Variants in JAG2 observed in about 807,000 individuals in gnomAD.
The protein encoded by JAG2 is jagged canonical Notch ligand 2, also known as protein jagged-2.
Under a neutral mutation model 141.7 loss-of-function variants are expected in JAG2, and 46 were observed. The observed-to-expected ratio is 0.32, with a 90% CI of 0.26 to 0.42. The LOEUF (loss-of-function observed/expected upper bound fraction) is 0.42, where lower values mean the gene tolerates loss of function less well. Ranked by LOEUF, JAG2 falls within the 10% of genes least tolerant of loss-of-function variation. The pLI is 1.00. For synonymous variants in JAG2, 862 were observed against 763.5 expected (o/e 1.13, Z -2.13); for missense variants, 1,500 against 1,817.5 (o/e 0.83, Z 3.18).
rs1030452029 is a variant in JAG2 at position 105,147,086 on chromosome 14, C to G, written c.2479+240G>C. The stretch of plus-strand genomic sequence containing the variant: ...GTCAGGCTGCACGCTCCAACCCCCA[C>G]AGCTCCCTGGGCCCCGGACTGGTCC... On this transcript the variant is annotated intron_variant, in intron 20 of 25. Transcript: ENST00000331782. 3 of 612,064 alleles carry G rather than the reference C, an allele frequency of 4.9e-6. No individual in the cohort carries two copies. In the South Asian group the frequency reaches 5.8e-5, roughly 12 times the overall value. The allele number at this position is 612,064 out of a possible 1,614,324, so 37.9% of individuals were successfully genotyped here. A position where few individuals can be genotyped will look rare whatever the true frequency, so the allele number is the denominator to read the frequency against.
Position 105,151,757 on chromosome 14 carries a change from G to A in JAG2, c.1040-18C>T, listed in dbSNP as rs925250304. 3.1e-6 allele frequency: 5 copies of A among 1,604,788 alleles called. No homozygotes were observed. Among genetic ancestry groups the A allele is most frequent in the Admixed American group, 1.7e-5 (1 of 58,990 alleles). On this transcript the variant is annotated intron_variant, in intron 7 of 25. Transcript: ENST00000331782. Reference sequence around the variant, plus strand: ...GTGCTCAGCTGTAGAACCGCGGGGAGGGGGCAGAGCTGGCAGCCAGGCCCC... The same window carrying A: ...GTGCTCAGCTGTAGAACCGCGGGGAAGGGGCAGAGCTGGCAGCCAGGCCCC...
In JAG2 at chr14:105,154,703, C is replaced by A. The variant is rs993706041; in HGVS notation, c.788+859G>T. On this transcript the variant is annotated intron_variant, in intron 5 of 25. Coordinates refer to ENST00000331782, the MANE Select transcript of JAG2 (RefSeq NM_002226.5). The surrounding 1 kb of genome is among the most constrained non-coding windows in gnomAD (Gnocchi z 4.4). Reference sequence around the variant, plus strand: ...CCCGTCACCGCCTGAATGCCACCCCCCACAGGCCCCGCGTGGCGCAGGCCA... The same window carrying A: ...CCCGTCACCGCCTGAATGCCACCCCACACAGGCCCCGCGTGGCGCAGGCCA... Among the ~76,000 whole-genome samples, 2 of 152,156 alleles carry A rather than the reference C, an allele frequency of 1.3e-5. No individual in the cohort carries two copies. Among genetic ancestry groups the A allele is most frequent in the Non-Finnish European group, 2.9e-5 (2 of 68,024 alleles).
intron 2 of JAG2, among the ~76,000 whole-genome samples, chr14:105,161,229 G>A (rs954470798): frequency 6.6e-6 from 1 of 150,932 alleles, no homozygotes; most frequent in African/African-American, 2.4e-5. Flanking sequence ...TGTTGTTGGG[G>A]GTCTGAGTGA....
rs587752611 is a variant in JAG2, at chr14:105,141,155, C to G, written c.*1540G>C. On this transcript the variant is annotated 3_prime_UTR_variant, in exon 26 of 26. Transcript: ENST00000331782. ...CCTACCCCTCACAGCAGGGTAAAGA[C>G]TTGCACATCACTGACAGGCGGCTCG... 13 of 152,318 alleles carry G rather than the reference C, an allele frequency of 8.5e-5. No homozygotes were observed. In the South Asian group the frequency reaches 2.5e-3, roughly 29 times the overall value. 9.4% of individuals were successfully genotyped at this position (152,318 alleles called of 1,614,324 possible).
chr14:105,158,813 G>A (rs1280623970), intron 2 of JAG2, among the ~76,000 whole-genome samples: 4 of 152,064 alleles, frequency 2.6e-5, no homozygotes, highest in Non-Finnish European at 4.4e-5. Context: ...CCCACCCCGG[G>A]GGGATGCTGC....
Position 105,147,337 on chromosome 14 carries a change from T to C in JAG2, c.2468A>G (p.Asp823Gly). The change falls in exon 20 of 26, where the codon GAC (aspartate) becomes GGC (glycine). Residue 823 changes from aspartate to glycine, a missense_variant. Transcript: ENST00000331782. Reference sequence around the variant, plus strand: ...GTCTGGCCACTCACTGATGCGGCAGTCAGGCCCCGCGAAGCCAGGTGCACA... The same window carrying C: ...GTCTGGCCACTCACTGATGCGGCAGCCAGGCCCCGCGAAGCCAGGTGCACA... ...CECAPGFAGPDCRINIDECQS... is the reference protein window; with the variant it reads ...CECAPGFAGPGCRINIDECQS... 6.4e-7 allele frequency: 1 copy of C among 1,559,004 alleles called. No homozygotes were observed. The highest frequency in any genetic ancestry group is 8.7e-7 in the Non-Finnish European group (1 of 1,151,828).
rs1444910313 is a variant in JAG2, at chr14:105,168,014, C to T, written c.160G>A (p.Gly54Ser). The T allele has an allele frequency of 3.1e-6, 5 of 1,598,980 alleles. No individual in the cohort carries two copies. Among genetic ancestry groups the T allele is most frequent in the East Asian group, 2.3e-5 (1 of 44,410 alleles). Residue 54 changes from glycine (G) to serine (S), a missense_variant, in exon 2 of 26, where the codon GGC (glycine) becomes AGC (serine). Physicochemically the swap from Gly to Ser is moderately conservative, Grantham distance 56. Coordinates refer to ENST00000331782, the MANE Select transcript of JAG2 (RefSeq NM_002226.5). The part of the protein sequence containing the change: ...LLSGACCDGD[G>S]RTTRAGGCGH... ...CAGCCCCCCGCGCGCGTTGTCCGGC[C>T]GTCGCCGTCACAGCAGGCGCCGCTC...
At position 105,151,123 on chromosome 14, in the gene JAG2, G is replaced by A. The variant is rs752467550; in HGVS notation, c.1268-19C>T. The A allele has an allele frequency of 2.2e-5, 35 of 1,596,398 alleles. 1 individual carries two copies. The South Asian group carries it at 3.4e-4, about 15-fold the overall frequency. On this transcript the variant is annotated intron_variant, in intron 9 of 25. Transcript: ENST00000331782. ...TTGGCGTCTGTGAAAGAGACAAGGTGGGAGCCGTGGGGCTCGGGCCCTGCC... is the reference window on the plus strand; with the variant it reads ...TTGGCGTCTGTGAAAGAGACAAGGTAGGAGCCGTGGGGCTCGGGCCCTGCC...
intron 2 of JAG2, among the ~76,000 whole-genome samples, chr14:105,163,222 C>T (rs1161227313): frequency 6.6e-6 from 1 of 152,248 alleles, no homozygotes; most frequent in Admixed American, 6.5e-5. Flanking sequence ...GAGGCCCAGG[C>T]CTCTGCCACC....
chr14:105,142,777 G>A lies in JAG2; in HGVS notation c.3635C>T (p.Pro1212Leu), dbSNP rs202039687. The A allele has an allele frequency of 1.8e-4, 287 of 1,610,858 alleles. No individual in the cohort carries two copies. In the African/African-American group the frequency reaches 3.1e-3, roughly 17 times the overall value. Residue 1212 changes from proline to leucine, a missense_variant, in exon 26 of 26, where the codon CCG becomes CTG. Physicochemically the swap from Pro to Leu is moderately conservative, Grantham distance 98 (BLOSUM62 -3). Transcript: ENST00000331782. ...TKDPGRSPGRPAHWASGPKVD... is the reference protein window; with the variant it reads ...TKDPGRSPGRLAHWASGPKVD... ...TTTGGGGCCTGAGGCCCAGTGGGCCGGCCTCCCCGGCGAGCGGCCAGGATC... is the reference window on the plus strand; with the variant it reads ...TTTGGGGCCTGAGGCCCAGTGGGCCAGCCTCCCCGGCGAGCGGCCAGGATC...
At chr14:105,165,882 A>G (rs1041457969) in intron 2 of JAG2, among the ~76,000 whole-genome samples, 8 of 152,192 alleles carry the variant, frequency 5.3e-5, no homozygotes, top group Non-Finnish European at 7.3e-5. Flanking sequence ...AGCCAAGTAC[A>G]CCTCAGCTCA....
intron 1 of JAG2, 29 bp downstream of exon 1, chr14:105,168,326 A>G: frequency 3.2e-5 from 14 of 439,556 alleles, no homozygotes; most frequent in Non-Finnish European, 4.0e-5. Context: ...CCCGTCCGCG[A>G]CCCCCGCCGC....
In JAG2 at chr14:105,142,457, C is replaced by A. The variant is rs1287482971; in HGVS notation, c.*238G>T. 7.4e-6 allele frequency: 4 copies of A among 539,664 alleles called. No individual in the cohort carries two copies. The highest frequency in any genetic ancestry group is 7.0e-5 in the Admixed American group (2 of 28,442). The allele number at this position is 539,664 out of a possible 1,614,324, so 33.4% of individuals were successfully genotyped here. A position where few individuals can be genotyped will look rare whatever the true frequency, so the allele number is the denominator to read the frequency against. On this transcript the variant is annotated 3_prime_UTR_variant, in exon 26 of 26. Transcript: ENST00000331782. The stretch of plus-strand genomic sequence containing the variant: ...CTCCTTTCATACAGCGAGTGCCACG[C>A]ACGGAAACTTTACAAAAATAGCAAC...
rs587716988 is a variant in JAG2 at position 105,166,814 on chromosome 14, C to T, written c.417+943G>A. Among the ~76,000 whole-genome samples, 3 of 152,350 alleles carry T rather than the reference C, an allele frequency of 2.0e-5. No homozygotes were observed. In the South Asian group the frequency reaches 6.2e-4, roughly 32 times the overall value. On this transcript the variant is annotated intron_variant, in intron 2 of 25. Transcript: ENST00000331782. ...ACTTCCTGGCTCCCAGATCCATCTA[C>T]TCCCTGATCACAGGTCTGCATGGTG...
Position 105,151,212 on chromosome 14 carries a change from C to CAG in JAG2, c.1267+70_1267+71insCT, listed in dbSNP as rs1162329534. 1.4e-3 allele frequency: 2,064 copies of CAG among 1,484,348 alleles called. 6 individuals are homozygous for CAG. Among genetic ancestry groups the CAG allele is most frequent in the Non-Finnish European group, 1.6e-3 (1,716 of 1,094,498 alleles). 91.9% of individuals were successfully genotyped at this position (1,484,348 alleles called of 1,614,324 possible). ...GCAGCCCCAGCAGCCCCAGCAGCCC[C>CAG]CGCAGCCCCAGCAGCCCCCGCAGCC... is the stretch of plus-strand genomic sequence containing the variant. On this transcript the variant is annotated intron_variant, in intron 9 of 25. Transcript: ENST00000331782.
intron 23 of JAG2, 68 bp downstream of exon 23, chr14:105,145,663 T>A: frequency 1.3e-6 from 2 of 1,540,920 alleles, no homozygotes; most frequent in Non-Finnish European, 1.8e-6. Context: ...GGGGCTAGGC[T>A]TTCGCCATGC....
At chr14:105,161,041 C>T (rs1187294632) in intron 2 of JAG2, among the ~76,000 whole-genome samples, 1 of 152,180 alleles carries the variant, frequency 6.6e-6, no homozygotes, top group East Asian at 1.9e-4. Flanking sequence ...CCACCACGGA[C>T]TTCCTTCCTG....
Position 105,157,782 on chromosome 14 carries a change from G to C in JAG2, c.418-19C>G. 6.4e-7 allele frequency: 1 copy of C among 1,562,630 alleles called. No individual in the cohort carries two copies. The highest frequency in any genetic ancestry group is 8.7e-7 in the Non-Finnish European group (1 of 1,155,648). ...AGGAGCGCTGCAGACATGGGGAGGC[G>C]GGTCAGGTACCTGAGGCCACACCTG... On this transcript the variant is annotated intron_variant, in intron 2 of 25. Transcript: ENST00000331782.
intron 1 of JAG2, 51 bp downstream of exon 1, chr14:105,168,304 G>T: frequency 2.9e-6 from 2 of 687,686 alleles, no homozygotes; most frequent in Non-Finnish European, 3.6e-6. Context: ...CCCTAGGGGC[G>T]GCCCGGTGTG....
Sources: gnomAD v4.1 joint callset for allele counts (sites outside exome capture counted in the v4.1 genomes callset) on GRCh38, gnomAD v4.1.1 for gene constraint, Gnocchi (gnomAD v3.1) non-coding constraint, MANE v1.5 for transcripts, NCBI Gene and HGNC (gene_info 2026-07-23, HGNC 2026-07-21) for gene names.